The following FNDC8 variants were observed in gnomAD, a reference collection of about 807,000 sequenced individuals.
FNDC8 encodes the protein fibronectin type III domain containing 8.
A neutral mutation model predicts 24.8 loss-of-function variants in FNDC8; 23 were observed. The ratio of observed to expected loss-of-function variants is 0.93; its 90% CI spans 0.67 to 1.31. The LOEUF (loss-of-function observed/expected upper bound fraction) is 1.31. FNDC8 is among the 40% of genes most tolerant of loss of function. The probability of loss-of-function intolerance (pLI) is 0.00; values close to 1 mark genes in which losing one functional copy is unlikely to be tolerated. For synonymous variants in FNDC8, 158 were observed against 165.3 expected (o/e 0.96, Z 0.34); for missense variants, 371 against 398.2 (o/e 0.93, Z 0.58).
chr17:35,126,989 C>G (rs561886897), intron 1 of FNDC8, 53 bp from the exon 2 acceptor site: 1 of 1,522,938 alleles, frequency 6.6e-7, no homozygotes, highest in Non-Finnish European at 8.8e-7. Flanking sequence ...TCAGGTGGAA[C>G]GGGCTGGGGT....
At position 35,126,497 on chromosome 17, in the gene FNDC8, C is replaced by CATTTTT. The variant is rs1555571324; in HGVS notation, c.210-545_210-544insATTTTT. 1.4e-4 allele frequency among the ~76,000 whole-genome samples: 16 copies of CATTTTT among 112,018 alleles called. 2 individuals are homozygous for CATTTTT. The highest frequency in any genetic ancestry group is 1.3e-4 in the Non-Finnish European group (7 of 55,092). 73.5% of individuals were successfully genotyped at this position (112,018 alleles called of 152,430 possible). A position where few individuals can be genotyped will look rare whatever the true frequency, so the allele number is the denominator to read the frequency against. ...AACACTTGCATCAGGATTTTCTAAGCTTTTTTTTTTTTTTTTTTTTTTTGA... is the reference window on the plus strand; with the variant it reads ...AACACTTGCATCAGGATTTTCTAAGCATTTTTTTTTTTTTTTTTTTTTTTTTTTTGA... On this transcript the variant is annotated intron_variant, in intron 1 of 3. Transcript: ENST00000158009.
intron 3 of FNDC8, chr17:35,129,960 G>A (rs964715620): frequency 1.5e-6 from 2 of 1,371,970 alleles, no homozygotes; most frequent in African/African-American, 1.5e-5. Context: ...GAGTAGGCTG[G>A]GAAGTCAAGG....
chr17:35,125,077 A>G (rs906521049), intron 1 of FNDC8, among the ~76,000 whole-genome samples: 1 of 151,180 alleles, frequency 6.6e-6, no homozygotes, highest in Non-Finnish European at 1.5e-5. Context: ...AAAGAGTAAA[A>G]ACAGAAAAAA....
chr17:35,129,946 T>C (rs985084117), intron 3 of FNDC8: 29 of 1,372,722 alleles, frequency 2.1e-5, no homozygotes, highest in Non-Finnish European at 2.5e-5. Flanking sequence ...GTGCCCATGA[T>C]TGTGAGTAGG....
Position 35,126,134 on chromosome 17 carries a change from C to T in FNDC8, c.210-908C>T, listed in dbSNP as rs181818191. ...TCAAGGTTTCGCTATGTTGGCCAGGCTGGTCTTGAACTCCTGACGTCAGGT... is the reference window on the plus strand; with the variant it reads ...TCAAGGTTTCGCTATGTTGGCCAGGTTGGTCTTGAACTCCTGACGTCAGGT... On this transcript the variant is annotated intron_variant, in intron 1 of 3. Coordinates refer to ENST00000158009, the MANE Select transcript of FNDC8 (RefSeq NM_017559.4). 5.9e-5 allele frequency among the ~76,000 whole-genome samples: 9 copies of T among 152,204 alleles called. No homozygotes were observed. The East Asian group carries it at 1.7e-3, about 29-fold the overall frequency.
intron 1 of FNDC8, among the ~76,000 whole-genome samples, chr17:35,122,345 C>A (rs2142488337): frequency 6.6e-6 from 1 of 150,788 alleles, no homozygotes; most frequent in South Asian, 2.1e-4. Context: ...CCTATAGTTT[C>A]TAAGAAAGGC....
chr17:35,127,893 G>T (rs1176145609), intron 2 of FNDC8, among the ~76,000 whole-genome samples: 2 of 152,158 alleles, frequency 1.3e-5, no homozygotes, highest in African/African-American at 4.8e-5. Flanking sequence ...GAATTGCTGG[G>T]CCTCCTCCCT....
intron 2 of FNDC8, chr17:35,129,118 A>G: frequency 6.5e-6 from 2 of 306,570 alleles, no homozygotes. Flanking sequence ...TGTGCTATCC[A>G]GTTCCTAACA....
chr17:35,126,112 A>G (rs1028796711), intron 1 of FNDC8, among the ~76,000 whole-genome samples: 14 of 151,980 alleles, frequency 9.2e-5, no homozygotes, highest in Non-Finnish European at 2.1e-4. Flanking sequence ...AGTAGAGTCA[A>G]GGTTTCGCTA....
intron 1 of FNDC8, among the ~76,000 whole-genome samples, chr17:35,124,125 G>A (rs887440611): frequency 7.9e-5 from 12 of 152,194 alleles, no homozygotes; most frequent in African/African-American, 2.7e-4. Context: ...AACTTGGCCC[G>A]TTCATCAACC....
Position 35,127,242 on chromosome 17 carries a change from TC to T in FNDC8, c.411del (p.Gly138AlafsTer58). The T allele has an allele frequency of 6.2e-7, 1 of 1,613,724 alleles. No individual in the cohort carries two copies. The highest frequency in any genetic ancestry group is 8.5e-7 in the Non-Finnish European group (1 of 1,179,768). ...AATGCAGAAAATGAGGACCTGGCGC[TC>T]GGCCCCTGCCCATGCCCATCGAAGT... ...AKNAENEDLA[L>X]GPCPCPSKSQ... is the part of the protein sequence containing the mutation. On this transcript the variant is annotated frameshift_variant, in exon 2 of 4. Transcript: ENST00000158009. LOFTEE classifies it high-confidence loss of function.
chr17:35,129,912 T>C (rs1320877843), intron 3 of FNDC8: 2 of 1,390,392 alleles, frequency 1.4e-6, no homozygotes, highest in Non-Finnish European at 9.3e-7. Flanking sequence ...TCCAAAGCCA[T>C]TGGTTTTTAG....
chr17:35,127,473 T>G, intron 2 of FNDC8, 56 bp downstream of exon 2: 1 of 1,490,546 alleles, frequency 6.7e-7, no homozygotes, highest in Non-Finnish European at 8.9e-7. Flanking sequence ...GGCACTGAGC[T>G]GAGCTCCATG....
At position 35,130,629 on chromosome 17, in the gene FNDC8, G is replaced by T; in HGVS notation, c.*195G>T. On this transcript the variant is annotated 3_prime_UTR_variant, in exon 4 of 4. Transcript: ENST00000158009. ...ATTCACCTGGAGGCATCTCAGGCCA[G>T]GCCATGCCAGGCTCAGCCACTGCCC... is the stretch of plus-strand genomic sequence containing the variant. The T allele has an allele frequency of 1.7e-6, 1 of 587,286 alleles. No homozygotes were observed. The highest frequency in any genetic ancestry group is 3.0e-6 in the Non-Finnish European group (1 of 335,746). The allele number at this position is 587,286 out of a possible 1,614,324, so 36.4% of individuals were successfully genotyped here. A position where few individuals can be genotyped will look rare whatever the true frequency, so the allele number is the denominator to read the frequency against.
In FNDC8 at chr17:35,126,497, C is replaced by CATTTTTTTTTTTTTTTTT; in HGVS notation, c.210-545_210-544insATTTTTTTTTTTTTTTTT. 1.8e-5 allele frequency among the ~76,000 whole-genome samples: 2 copies of CATTTTTTTTTTTTTTTTT among 112,046 alleles called. 1 individual carries two copies. 73.5% of individuals were successfully genotyped at this position (112,046 alleles called of 152,430 possible). ...AACACTTGCATCAGGATTTTCTAAG[C>CATTTTTTTTTTTTTTTTT]TTTTTTTTTTTTTTTTTTTTTTTGA... On this transcript the variant is annotated intron_variant, in intron 1 of 3. Transcript: ENST00000158009.
At chr17:35,122,131 C>T (rs1205777422) in intron 1 of FNDC8, among the ~76,000 whole-genome samples, 5 of 123,736 alleles carry the variant, frequency 4.0e-5, no homozygotes, top group South Asian at 2.7e-4. Context: ...ACTATTGACG[C>T]GCCACCACCA....
chr17:35,128,165 G>A (rs1422774138), intron 2 of FNDC8, among the ~76,000 whole-genome samples: 1 of 152,256 alleles, frequency 6.6e-6, no homozygotes, highest in Non-Finnish European at 1.5e-5. Context: ...AATTCGAGCT[G>A]TATCTTGGGA....
chr17:35,122,185 TATATATATATATATATATATATAAA>T (rs1567738462), intron 1 of FNDC8, among the ~76,000 whole-genome samples: 5 of 24,422 alleles, frequency 2.0e-4, no homozygotes, highest in African/African-American at 1.0e-3. Flanking sequence ...TATATATATA[TATATATATATATATATATATATAAA>T]TTTTTTTTTT....
rs560832160 is a variant in FNDC8 at position 35,124,484 on chromosome 17, G to A, written c.210-2558G>A. 2.0e-5 allele frequency among the ~76,000 whole-genome samples: 3 copies of A among 151,716 alleles called. No homozygotes were observed. In the South Asian group the frequency reaches 6.3e-4, roughly 32 times the overall value. The stretch of plus-strand genomic sequence containing the variant: ...GGAGGTTGCAGTGAGCTGAGATCAC[G>A]CCACTGCACTCCAGCCTGGCTGAGA... On this transcript the variant is annotated intron_variant, in intron 1 of 3. Coordinates refer to ENST00000158009, the MANE Select transcript of FNDC8 (RefSeq NM_017559.4).
Sources: gnomAD v4.1 joint callset for allele counts (sites outside exome capture counted in the v4.1 genomes callset) on GRCh38, gnomAD v4.1.1 for gene constraint, MANE v1.5 for transcripts, NCBI Gene and HGNC (gene_info 2026-07-23, HGNC 2026-07-21) for gene names.